Variants in TUBGCP3 observed in about 807,000 individuals in gnomAD.
TUBGCP3 encodes tubulin gamma complex component 3.
A neutral mutation model predicts 123.1 loss-of-function variants in TUBGCP3; 50 were observed. The ratio of observed to expected loss-of-function variants is 0.41; its 90% CI spans 0.32 to 0.51. The LOEUF (loss-of-function observed/expected upper bound fraction) is 0.51, where lower values mean the gene tolerates loss of function less well. Ranked by LOEUF, TUBGCP3 falls within the 20% of genes least tolerant of loss-of-function variation. TUBGCP3 has a pLI of 0.36. For synonymous variants in TUBGCP3, 405 were observed against 413.9 expected (o/e 0.98, Z 0.26); for missense variants, 882 against 1,127.0 (o/e 0.78, Z 3.11).
chr13:112,497,479 C>G (rs1042264966), intron 20 of TUBGCP3, among the ~76,000 whole-genome samples: 1 of 151,984 alleles, frequency 6.6e-6, no homozygotes, highest in African/African-American at 2.4e-5. Context: ...GGTCCTCTAA[C>G]ACAGGTTTTA....
chr13:112,506,836 C>T (rs888489109), intron 17 of TUBGCP3, among the ~76,000 whole-genome samples: 1 of 152,122 alleles, frequency 6.6e-6, no homozygotes, highest in African/African-American at 2.4e-5. Flanking sequence ...GATGTTCAGC[C>T]GTGTTATGGT....
At chr13:112,497,323 A>G (rs1880594080) in intron 20 of TUBGCP3, among the ~76,000 whole-genome samples, 1 of 152,192 alleles carries the variant, frequency 6.6e-6, no homozygotes, top group Admixed American at 6.5e-5. Flanking sequence ...AAGGCCCAGG[A>G]GCTTCTGTGT....
intron 2 of TUBGCP3, among the ~76,000 whole-genome samples, chr13:112,567,599 G>A (rs780576958): frequency 4.6e-5 from 7 of 152,086 alleles, no homozygotes; most frequent in African/African-American, 1.2e-4. Context: ...TTTATTCCCC[G>A]TCTTAAATAA....
chr13:112,602,075 G>A, the TUBGCP3 span, among the ~76,000 whole-genome samples: 3 of 152,218 alleles, frequency 2.0e-5, no homozygotes, highest in African/African-American at 7.2e-5. Context: ...CTGAAGTGGT[G>A]AGTAGCCTGC....
chr13:112,548,530 C>T (rs1206591260), intron 8 of TUBGCP3, among the ~76,000 whole-genome samples: 1 of 152,096 alleles, frequency 6.6e-6, no homozygotes, highest in African/African-American at 2.4e-5. Context: ...AAAGAAACTA[C>T]CATCAGAGTC....
intron 3 of TUBGCP3, 48 bp from the exon 4 acceptor site, chr13:112,559,447 C>T: frequency 1.4e-6 from 2 of 1,439,236 alleles, no homozygotes; most frequent in Non-Finnish European, 1.9e-6. Flanking sequence ...ATACTACTCT[C>T]CAGCCTTATT....
upstream of TUBGCP3, chr13:112,588,260 C>A (rs958488433): frequency 1.4e-5 from 4 of 293,848 alleles, no homozygotes; most frequent in African/African-American, 6.6e-5. Flanking sequence ...GCTGCCCGGT[C>A]GGCCGAGAAA....
At chr13:112,517,034 G>A (rs1446855340) in intron 16 of TUBGCP3, among the ~76,000 whole-genome samples, 1 of 151,912 alleles carries the variant, frequency 6.6e-6, no homozygotes, top group African/African-American at 2.4e-5. Context: ...TGTTTGTTTT[G>A]AGATAAGAGT....
At chr13:112,522,904 T>C (rs1361826981) in intron 13 of TUBGCP3, among the ~76,000 whole-genome samples, 1 of 152,236 alleles carries the variant, frequency 6.6e-6, no homozygotes, top group Non-Finnish European at 1.5e-5. Context: ...ATAAGCTTTG[T>C]GAATTGTACA....
At chr13:112,559,211 A>G in intron 4 of TUBGCP3, 111 bp downstream of exon 4, 2 of 851,110 alleles carry the variant, frequency 2.3e-6, no homozygotes, top group Non-Finnish European at 3.7e-6. Flanking sequence ...TCCATGACAG[A>G]CAAGCTTGTT....
intron 13 of TUBGCP3, 148 bp from the exon 14 acceptor site, chr13:112,522,657 T>G: frequency 1.5e-6 from 1 of 681,746 alleles, no homozygotes; most frequent in Non-Finnish European, 2.4e-6. Flanking sequence ...CAGCTGGACA[T>G]TCCACAAAGG....
rs775878986 is a variant in TUBGCP3, at chr13:112,519,013, A to G, written c.1912T>C (p.Phe638Leu). 2 of 1,614,124 alleles carry G rather than the reference A, an allele frequency of 1.2e-6. No individual in the cohort carries two copies. Among genetic ancestry groups the G allele is most frequent in the Non-Finnish European group, 1.7e-6 (2 of 1,179,954 alleles). Residue 638 changes from phenylalanine (F) to leucine (L), a missense_variant, in exon 16 of 22, where the codon TTC becomes CTC. Phe to Leu is a conservative substitution (Grantham distance 22). This residue lies in a region of TUBGCP3 where 713 missense variants were observed against 874.0 expected (regional missense o/e 0.82). Transcript: ENST00000261965. The surrounding 1 kb of genome is among the most constrained non-coding windows in gnomAD (Gnocchi z 6.2). ...CCGTCAACATGATAATCGAGGCTGAAGACATCCCATCCAGTGTCACCTGGA... is the reference window on the plus strand; with the variant it reads ...CCGTCAACATGATAATCGAGGCTGAGGACATCCCATCCAGTGTCACCTGGA... ...VSPGDTGWDV[F>L]SLDYHVDGPI...
intron 3 of TUBGCP3, among the ~76,000 whole-genome samples, chr13:112,563,828 T>A (rs9577378): frequency 1.3e-5 from 2 of 151,562 alleles, no homozygotes; most frequent in Non-Finnish European, 2.9e-5. Context: ...TGAGCCCAGA[T>A]TGCGCCACTG....
intron 13 of TUBGCP3, among the ~76,000 whole-genome samples, chr13:112,525,773 C>CCA (rs1048704190): frequency 2.0e-5 from 3 of 152,226 alleles, no homozygotes; most frequent in Non-Finnish European, 4.4e-5. Flanking sequence ...CAAACAAAGC[C>CCA]TTTGCATCCC....
chr13:112,532,708 G>T (rs1389174352), intron 11 of TUBGCP3, among the ~76,000 whole-genome samples: 1 of 152,176 alleles, frequency 6.6e-6, no homozygotes, highest in South Asian at 2.1e-4. Flanking sequence ...ACATTTAAGA[G>T]CAAAAAATAT....
upstream of TUBGCP3, among the ~76,000 whole-genome samples, chr13:112,588,779 C>T (rs949900569): frequency 1.3e-5 from 2 of 152,156 alleles, no homozygotes; most frequent in African/African-American, 4.8e-5. Context: ...CCGTGAGCTA[C>T]CATGTTAAAA....
At chr13:112,553,320 C>T (rs1315857222) in intron 8 of TUBGCP3, among the ~76,000 whole-genome samples, 2 of 152,266 alleles carry the variant, frequency 1.3e-5, no homozygotes, top group African/African-American at 2.4e-5. Context: ...CCACCAGCTA[C>T]GCTGCCATAA....
At chr13:112,549,752 G>A (rs1042967454) in intron 8 of TUBGCP3, among the ~76,000 whole-genome samples, 26 of 152,034 alleles carry the variant, frequency 1.7e-4, no homozygotes, top group Middle Eastern at 6.8e-3. Context: ...CACTTTGGGA[G>A]GCCAAGGCGG....
intron 11 of TUBGCP3, among the ~76,000 whole-genome samples, chr13:112,530,409 G>A (rs1182677257): frequency 6.6e-6 from 1 of 152,190 alleles, no homozygotes; most frequent in Non-Finnish European, 1.5e-5. Context: ...GAAAAGTATA[G>A]TTCTTCCCAG....
Sources: allele counts gnomAD v4.1 joint callset (sites outside exome capture counted in the v4.1 genomes callset), GRCh38; gene constraint gnomAD v4.1.1; regional missense constraint gnomAD v4.1.1; non-coding constraint Gnocchi (gnomAD v3.1); transcripts MANE v1.5; gene names NCBI Gene and HGNC (gene_info 2026-07-23, HGNC 2026-07-21).